Variants in CDH20 observed in about 807,000 individuals in gnomAD.
The protein encoded by CDH20 is cadherin 20.
In CDH20, 29 loss-of-function variants were observed where a neutral mutation model predicts 74.2. The ratio of observed to expected loss-of-function variants is 0.39; its 90% confidence interval spans 0.29 to 0.53. The LOEUF (loss-of-function observed/expected upper bound fraction) is 0.53, where lower values mean the gene tolerates loss of function less well. Ranked by LOEUF, CDH20 falls within the 20% of genes least tolerant of loss-of-function variation. The pLI is 0.69. For synonymous variants in CDH20, 469 were observed against 405.4 expected, an observed-to-expected ratio of 1.16 and a Z score of -1.88; for missense variants, 988 against 1,048.3, an observed-to-expected ratio of 0.94 and a Z score of 0.79.
At chr18:61,339,788 T>C (rs1280490378) in intron 1 of CDH20, among the ~76,000 whole-genome samples, 3 of 146,392 alleles carry the variant, frequency 2.0e-5, no homozygotes, top group African/African-American at 5.0e-5. Context: ...CCTGGGTTCA[T>C]GCCATTCTCC....
At chr18:61,460,504 A>G (rs1393553066) in intron 1 of CDH20, among the ~76,000 whole-genome samples, 1 of 152,236 alleles carries the variant, frequency 6.6e-6, no homozygotes, top group African/African-American at 2.4e-5. Context: ...AGGCAATAGC[A>G]TAAACAGGCA....
intron 1 of CDH20, among the ~76,000 whole-genome samples, chr18:61,406,769 G>A (rs1912343784): frequency 6.6e-6 from 1 of 152,194 alleles, no homozygotes; most frequent in Non-Finnish European, 1.5e-5. Flanking sequence ...TATACAGCAA[G>A]CAACAGTTTT....
At chr18:61,483,355 C>T (rs1477633360) in intron 1 of CDH20, among the ~76,000 whole-genome samples, 1 of 152,164 alleles carries the variant, frequency 6.6e-6, no homozygotes, top group Non-Finnish European at 1.5e-5. Flanking sequence ...GGCTTTGAGG[C>T]ATTGAGAGGC....
At chr18:61,452,980 G>A (rs1599095364) in intron 1 of CDH20, among the ~76,000 whole-genome samples, 1 of 152,144 alleles carries the variant, frequency 6.6e-6, no homozygotes, top group Non-Finnish European at 1.5e-5. Context: ...ATAAGGTTAT[G>A]AAGAAATAAT....
intron 1 of CDH20, among the ~76,000 whole-genome samples, chr18:61,453,683 G>C (rs1465387336): frequency 6.6e-6 from 1 of 152,176 alleles, no homozygotes; most frequent in Non-Finnish European, 1.5e-5. Flanking sequence ...TTGTGGAGGT[G>C]CCCCAATGTG....
intron 1 of CDH20, among the ~76,000 whole-genome samples, chr18:61,484,687 G>T (rs1439473303): frequency 6.6e-6 from 1 of 150,634 alleles, no homozygotes; most frequent in Non-Finnish European, 1.5e-5. Context: ...TCAAAGCCAG[G>T]GCTCTTAATT....
intron 6 of CDH20, among the ~76,000 whole-genome samples, chr18:61,510,669 T>C (rs1175609595): frequency 2.0e-5 from 3 of 152,092 alleles, no homozygotes; most frequent in Admixed American, 1.3e-4. Context: ...ACCAGAAATC[T>C]TTCTATCCTG....
chr18:61,382,364 T>C (rs1308284197), intron 1 of CDH20, among the ~76,000 whole-genome samples: 2 of 152,266 alleles, frequency 1.3e-5, no homozygotes, highest in Admixed American at 6.5e-5. Context: ...GGCCAAAAAG[T>C]AGAACGAGAA....
chr18:61,533,646 T>C (rs1370290823), intron 7 of CDH20, among the ~76,000 whole-genome samples: 2 of 152,234 alleles, frequency 1.3e-5, no homozygotes, highest in Non-Finnish European at 2.9e-5. Flanking sequence ...CATTCATCTA[T>C]TTTTGCTTTT....
At chr18:61,481,286 T>A (rs902391745) in intron 1 of CDH20, among the ~76,000 whole-genome samples, 11 of 152,166 alleles carry the variant, frequency 7.2e-5, no homozygotes, top group African/African-American at 2.7e-4. Flanking sequence ...ATGTAGGAAG[T>A]TAAAAATACA....
chr18:61,358,306 G>A (rs1249786551), intron 1 of CDH20, among the ~76,000 whole-genome samples: 1 of 151,342 alleles, frequency 6.6e-6, no homozygotes, highest in Non-Finnish European at 1.5e-5. Context: ...TTTTTTAGTA[G>A]AGACGGTGTT....
intron 1 of CDH20, among the ~76,000 whole-genome samples, chr18:61,461,225 A>T: frequency 6.6e-6 from 1 of 152,012 alleles, no homozygotes; most frequent in Non-Finnish European, 1.5e-5. Flanking sequence ...TACAGAACTC[A>T]TTCAAAATCG....
intron 7 of CDH20, among the ~76,000 whole-genome samples, chr18:61,535,528 A>C (rs1054712793): frequency 1.3e-5 from 2 of 152,144 alleles, no homozygotes; most frequent in Non-Finnish European, 2.9e-5. Context: ...GAGATAACAC[A>C]ACAGAATTGG....
rs1000290128 is a variant in CDH20, at chr18:61,555,420, G to A, written c.*725G>A. The A allele has an allele frequency of 4.1e-6, 4 of 985,304 alleles. No individual in the cohort carries two copies. The highest frequency in any genetic ancestry group is 4.8e-6 in the Non-Finnish European group (4 of 829,936). The allele number at this position is 985,304 out of a possible 1,614,324, so 61.0% of individuals were successfully genotyped here. A position where few individuals can be genotyped will look rare whatever the true frequency, so the allele number is the denominator to read the frequency against. ...TGTCTCCTCTCAGCTATTTAACTGTGCCCCTGCAAAATTGTTCAGAATGAA... is the reference window on the plus strand; with the variant it reads ...TGTCTCCTCTCAGCTATTTAACTGTACCCCTGCAAAATTGTTCAGAATGAA... On this transcript the variant is annotated 3_prime_UTR_variant, in exon 12 of 12. Coordinates refer to ENST00000262717, the MANE Select transcript of CDH20 (RefSeq NM_031891.4).
At chr18:61,472,600 C>T (rs1910222047) in intron 1 of CDH20, among the ~76,000 whole-genome samples, 1 of 152,050 alleles carries the variant, frequency 6.6e-6, no homozygotes, top group African/African-American at 2.4e-5. Context: ...ATTTCTTTGC[C>T]ATATCTTTAC....
chr18:61,474,857 C>T (rs1210658995), intron 1 of CDH20, among the ~76,000 whole-genome samples: 1 of 151,990 alleles, frequency 6.6e-6, no homozygotes, highest in African/African-American at 2.4e-5. Flanking sequence ...GATTGCTTAG[C>T]AAGGAAGGGC....
chr18:61,499,521 T>C, intron 3 of CDH20, 41 bp downstream of exon 3: 1 of 1,387,664 alleles, frequency 7.2e-7, no homozygotes, highest in East Asian at 2.3e-5. Context: ...TAGCACCTCC[T>C]ATATATATAC....
At chr18:61,383,607 T>C (rs1361210900) in intron 1 of CDH20, among the ~76,000 whole-genome samples, 3 of 151,966 alleles carry the variant, frequency 2.0e-5, no homozygotes, top group African/African-American at 7.3e-5. Flanking sequence ...AAAAAATACA[T>C]TCTAATGAAG....
chr18:61,421,941 T>C (rs1912895578), intron 1 of CDH20, among the ~76,000 whole-genome samples: 1 of 152,116 alleles, frequency 6.6e-6, no homozygotes, highest in Non-Finnish European at 1.5e-5. Context: ...ACAAATTCCA[T>C]TTTCAATAAC....
Sources: allele counts gnomAD v4.1 joint callset (sites outside exome capture counted in the v4.1 genomes callset), GRCh38; gene constraint gnomAD v4.1.1; transcripts MANE v1.5; gene names NCBI Gene and HGNC (gene_info 2026-07-23, HGNC 2026-07-21).